SNRNP200: variants seen among roughly 807,000 people sequenced by gnomAD.
SNRNP200 encodes small nuclear ribonucleoprotein U5 subunit 200.
A neutral mutation model predicts 255.2 loss-of-function variants in SNRNP200; 66 were observed. The observed-to-expected ratio is 0.26, with a 90% CI of 0.21 to 0.32. SNRNP200 has a LOEUF of 0.32. Ranked by LOEUF, SNRNP200 falls within the 10% of genes least tolerant of loss-of-function variation. The probability of loss-of-function intolerance (pLI) is 1.00; values close to 1 mark genes in which losing one functional copy is unlikely to be tolerated. For synonymous variants in SNRNP200, 939 were observed against 1,027.8 expected (o/e 0.91, Z 1.65); for missense variants, 1,585 against 2,749.8 (o/e 0.58, Z 9.47).
chr2:96,281,748 A>C, intron 35 of SNRNP200, 66 bp downstream of exon 35: 322 of 1,108,844 alleles, frequency 2.9e-4, no homozygotes, highest in Non-Finnish European at 4.1e-4. Context: ...CTTTCTGTGT[A>C]TCTGCAGATT....
intron 29 of SNRNP200, among the ~76,000 whole-genome samples, chr2:96,285,661 G>A (rs1474848766): frequency 1.3e-5 from 2 of 152,206 alleles, no homozygotes; most frequent in Admixed American, 6.5e-5. Flanking sequence ...TAGGATGCGG[G>A]ACAGAAAGGA....
chr2:96,297,867 C>G (rs1405839461), intron 9 of SNRNP200, 147 bp from the exon 10 acceptor site: 2 of 848,688 alleles, frequency 2.4e-6, no homozygotes, highest in Non-Finnish European at 3.9e-6. Flanking sequence ...ACATGGGGAC[C>G]ACCAGAATGA....
chr2:96,297,846 G>C, intron 9 of SNRNP200, 126 bp from the exon 10 acceptor site: 1 of 988,504 alleles, frequency 1.0e-6, no homozygotes, highest in African/African-American at 1.6e-5. Context: ...GAAACAGAAA[G>C]ACAGTGCTTT....
At chr2:96,282,892 G>C (rs909711304) in intron 34 of SNRNP200, 9 of 474,050 alleles carry the variant, frequency 1.9e-5, no homozygotes, top group African/African-American at 1.8e-4. Context: ...TACACTTGGG[G>C]AGTCTGGTAT....
rs763147262 is a variant in SNRNP200, at chr2:96,281,828, A to G, written c.5010T>C (p.Asn1670=). 1.2e-6 allele frequency: 2 copies of G among 1,613,504 alleles called. No homozygotes were observed. The highest frequency in any genetic ancestry group is 8.5e-7 in the Non-Finnish European group (1 of 1,179,414). ...GTTGTACTCACGCGTGGATCTTGCC[A>G]TTGTAGTACTGGGTATCCATGATGA... ...LVIIMDTQYY[N]GKIHAYVDYP... is the part of the protein sequence containing the mutation. The change falls in exon 35 of 45, where the codon AAT becomes AAC. Residue 1670 remains asparagine, a synonymous_variant. Coordinates refer to ENST00000323853, the MANE Select transcript of SNRNP200 (RefSeq NM_014014.5).
intron 30 of SNRNP200, 115 bp from the exon 31 acceptor site, chr2:96,284,700 C>T (rs1230741145): frequency 3.7e-5 from 28 of 758,272 alleles, no homozygotes; most frequent in South Asian, 2.7e-4. Flanking sequence ...TCTCAAGCTA[C>T]GTTCTAATCC....
chr2:96,282,042 G>T, intron 34 of SNRNP200, 120 bp from the exon 35 acceptor site: 1 of 741,944 alleles, frequency 1.3e-6, no homozygotes. Context: ...CAGCAAGGCT[G>T]GCTAGGAACA....
In SNRNP200 at chr2:96,304,691, C is replaced by T. The variant is rs771898034; in HGVS notation, c.209+14G>A. On this transcript the variant is annotated intron_variant, in intron 2 of 44. Coordinates refer to ENST00000323853, the MANE Select transcript of SNRNP200 (RefSeq NM_014014.5). ...TGGATCTGAAGGAAAAAATAGTATC[C>T]CCTTGGCACTCACTTGGCTCTTCTT... The T allele has an allele frequency of 1.2e-6, 2 of 1,613,952 alleles. No individual in the cohort carries two copies. Among genetic ancestry groups the T allele is most frequent in the Middle Eastern group, 1.7e-4 (1 of 6,056 alleles).
intron 34 of SNRNP200, chr2:96,282,918 G>GT: frequency 1.9e-6 from 1 of 516,464 alleles, no homozygotes; most frequent in Non-Finnish European, 3.5e-6. Flanking sequence ...GAGAATCAGC[G>GT]GTCTGGTGGC....
intron 34 of SNRNP200, chr2:96,282,895 T>C: frequency 1.7e-5 from 8 of 477,792 alleles, no homozygotes; most frequent in Non-Finnish European, 3.1e-5. Context: ...ACTTGGGGAG[T>C]CTGGTATCCA....
chr2:96,279,465 G>T lies in SNRNP200; in HGVS notation c.5119C>A (p.Gln1707Lys). ...CTAGGACTGACCTTCTTGGAGCCCT[G>T]ACACATGATGACACAGCGCCCCTCA... ...DDEGRCVIMCQGSKKDFFKKF... is the reference protein window; with the variant it reads ...DDEGRCVIMCKGSKKDFFKKF... The change falls in exon 36 of 45, where the codon CAG (glutamine) becomes AAG (lysine). Residue 1707 changes from glutamine (Q) to lysine (K), a missense_variant. Physicochemically the swap from Gln to Lys is moderately conservative, Grantham distance 53. Transcript: ENST00000323853. 1 of 1,613,312 alleles carries T rather than the reference G, an allele frequency of 6.2e-7. No homozygotes were observed. Among genetic ancestry groups the T allele is most frequent in the South Asian group, 1.1e-5 (1 of 91,038 alleles).
chr2:96,279,307 G>A (rs1684721083), intron 36 of SNRNP200, 144 bp downstream of exon 36: 4 of 725,480 alleles, frequency 5.5e-6, no homozygotes, highest in Non-Finnish European at 9.7e-6. Flanking sequence ...CCATGTGGGT[G>A]GCAGGCTCGT....
chr2:96,296,529 C>T lies in SNRNP200; in HGVS notation c.1671+7G>A. ...GTATCCTCTGCAGGAAAGTTCTACT[C>T]CCTCACCTTTCCAAAGCTGCCCACC... On this transcript the variant is annotated splice_region_variant and intron_variant, in intron 13 of 44. Transcript: ENST00000323853. 3.1e-6 allele frequency: 5 copies of T among 1,613,992 alleles called. No individual in the cohort carries two copies. The highest frequency in any genetic ancestry group is 4.2e-6 in the Non-Finnish European group (5 of 1,179,922).
In SNRNP200 at chr2:96,286,194, C is replaced by A. The variant is rs965594386; in HGVS notation, c.4003+117G>T. The A allele has an allele frequency of 3.9e-6, 4 of 1,030,534 alleles. No homozygotes were observed. Among genetic ancestry groups the A allele is most frequent in the African/African-American group, 1.6e-5 (1 of 63,610 alleles). 63.8% of individuals were successfully genotyped at this position (1,030,534 alleles called of 1,614,324 possible). On this transcript the variant is annotated intron_variant, in intron 29 of 44. Transcript: ENST00000323853. The surrounding 1 kb of genome is among the most constrained non-coding windows in gnomAD (Gnocchi z 4.8). ...GTCCTGGTGGGTCCCAGCGGTCACA[C>A]TGAGGAGCTCCCAGACCTCCCAAGT... is the stretch of plus-strand genomic sequence containing the variant.
chr2:96,275,190 GA>G (rs1684633750), intron 44 of SNRNP200, 35 bp from the exon 45 acceptor site: 2 of 1,614,062 alleles, frequency 1.2e-6, no homozygotes, highest in South Asian at 2.2e-5. Flanking sequence ...GATGAGCATG[GA>G]CACAGGAAGC....
rs369069457 is a variant in SNRNP200 at position 96,295,206 on chromosome 2, TCAAA to T, written c.1842+278_1842+281del. On this transcript the variant is annotated intron_variant, in intron 14 of 44. Coordinates refer to ENST00000323853, the MANE Select transcript of SNRNP200 (RefSeq NM_014014.5). ...CTGGGCGACAGAGCTAGACTCCATC[TCAAA>T]CAAACAAACAAACAAATAAATAAAT... Among the ~76,000 whole-genome samples the T allele has an allele frequency of 7.1e-3, 1,076 of 152,112 alleles. 7 individuals are homozygous for T. Among genetic ancestry groups the T allele is most frequent in the South Asian group, 0.022 (107 of 4,804 alleles).
Position 96,287,319 on chromosome 2 carries a change from G to T in SNRNP200, c.3484+120C>A. The T allele has an allele frequency of 1.7e-6, 2 of 1,182,226 alleles. No individual in the cohort carries two copies. Among genetic ancestry groups the T allele is most frequent in the Non-Finnish European group, 1.3e-6 (1 of 786,738 alleles). The allele number at this position is 1,182,226 out of a possible 1,614,324, so 73.2% of individuals were successfully genotyped here. ...AGACCAAGGGCCAGCCTGTACTTCA[G>T]TGGGACTTGGGGAGTGAACACAGGA... On this transcript the variant is annotated intron_variant, in intron 26 of 44. Coordinates refer to ENST00000323853, the MANE Select transcript of SNRNP200 (RefSeq NM_014014.5). The surrounding 1 kb of genome is among the most constrained non-coding windows in gnomAD (Gnocchi z 5.7).
intron 6 of SNRNP200, 68 bp downstream of exon 6, chr2:96,299,261 G>C (rs939909963): frequency 2.9e-6 from 4 of 1,380,684 alleles, no homozygotes; most frequent in Non-Finnish European, 4.1e-6. Flanking sequence ...CAGGACCTAG[G>C]CATGGGGAAG....
At chr2:96,284,335 T>C (rs1254407744) in intron 31 of SNRNP200, 23 bp downstream of exon 31, 1 of 1,598,800 alleles carries the variant, frequency 6.3e-7, no homozygotes. Flanking sequence ...GTCCCTCATC[T>C]GTGCTGCAAG....
Sources: allele counts gnomAD v4.1 joint callset (sites outside exome capture counted in the v4.1 genomes callset), GRCh38; gene constraint gnomAD v4.1.1; non-coding constraint Gnocchi (gnomAD v3.1); transcripts MANE v1.5; gene names NCBI Gene and HGNC (gene_info 2026-07-23, HGNC 2026-07-21).